SENP7: variants seen among roughly 807,000 people sequenced by gnomAD.
SENP7 encodes sentrin-specific protease 7.
SENP7 carries 64 observed loss-of-function variants against 141.2 expected under a neutral mutation model. That is an observed-to-expected ratio of 0.45 (90% CI 0.37 to 0.56). SENP7 has a LOEUF of 0.56. Ranked by LOEUF, SENP7 falls within the 20% of genes least tolerant of loss-of-function variation. The probability of loss-of-function intolerance (pLI) is 0.00; values close to 1 mark genes in which losing one functional copy is unlikely to be tolerated. For missense variants in SENP7, 1,025 were observed against 1,212.2 expected (o/e 0.85, Z 2.29); for synonymous variants, 382 against 426.4 (o/e 0.90, Z 1.28).
chr3:101,415,602 T>G (rs2061593504), intron 5 of SENP7, among the ~76,000 whole-genome samples: 1 of 152,168 alleles, frequency 6.6e-6, no homozygotes, highest in Non-Finnish European at 1.5e-5. Context: ...ATTACATACT[T>G]AGCCCCCTGA....
chr3:101,360,419 T>G (rs1034669526), intron 11 of SENP7, among the ~76,000 whole-genome samples: 1 of 152,242 alleles, frequency 6.6e-6, no homozygotes, highest in Non-Finnish European at 1.5e-5. Flanking sequence ...TATTTCTGTT[T>G]TATATTTTAC....
At chr3:101,421,390 A>T (rs1341092622) in intron 4 of SENP7, among the ~76,000 whole-genome samples, 3 of 152,232 alleles carry the variant, frequency 2.0e-5, no homozygotes, top group Admixed American at 6.5e-5. Flanking sequence ...AAATGCAAAC[A>T]AAACTTTAAG....
intron 1 of SENP7, among the ~76,000 whole-genome samples, chr3:101,511,335 T>C (rs2065848312): frequency 6.6e-6 from 1 of 152,212 alleles, no homozygotes; most frequent in African/African-American, 2.4e-5. Context: ...GGCAAATATC[T>C]TACCTTCCCT....
intron 1 of SENP7, among the ~76,000 whole-genome samples, chr3:101,510,199 T>C (rs932249872): frequency 6.6e-6 from 1 of 152,232 alleles, no homozygotes; most frequent in Non-Finnish European, 1.5e-5. Flanking sequence ...TCATTCAACT[T>C]CAGTGAACCT....
intron 6 of SENP7, among the ~76,000 whole-genome samples, chr3:101,380,459 A>G (rs1174248875): frequency 1.4e-5 from 2 of 144,616 alleles, no homozygotes; most frequent in Admixed American, 1.4e-4. Flanking sequence ...ACACACACAC[A>G]AAACAAAACA....
intron 5 of SENP7, chr3:101,414,740 A>G: frequency 1.5e-6 from 1 of 670,920 alleles, no homozygotes; most frequent in Admixed American, 2.9e-5. Context: ...GAAATTAAGG[A>G]TGGCCACAAG....
At chr3:101,365,020 G>GTTTATTTATTTA in intron 9 of SENP7, 29 bp from the exon 10 acceptor site, 2 of 1,308,878 alleles carry the variant, frequency 1.5e-6, no homozygotes, top group Non-Finnish European at 2.0e-6. Context: ...ATGTATTTTT[G>GTTTATTTATTTA]TTTATTTATT....
intron 5 of SENP7, chr3:101,414,663 G>C (rs1228194643): frequency 3.1e-6 from 4 of 1,288,306 alleles, no homozygotes; most frequent in African/African-American, 1.5e-5. Flanking sequence ...TGGGGGCTGA[G>C]GGCAAGAATA....
At chr3:101,370,656 C>T (rs2060154332) in intron 7 of SENP7, among the ~76,000 whole-genome samples, 1 of 151,892 alleles carries the variant, frequency 6.6e-6, no homozygotes, top group Admixed American at 6.6e-5. Context: ...TCTACAGATG[C>T]AGAACACAAA....
chr3:101,488,905 A>C (rs2064844667), intron 3 of SENP7, among the ~76,000 whole-genome samples: 1 of 152,196 alleles, frequency 6.6e-6, no homozygotes, highest in Non-Finnish European at 1.5e-5. Flanking sequence ...AAAGGCAGCT[A>C]GAGAGAAGGG....
chr3:101,443,467 T>A (rs1472386127), intron 4 of SENP7, among the ~76,000 whole-genome samples: 10 of 151,446 alleles, frequency 6.6e-5, no homozygotes, highest in African/African-American at 2.2e-4. Context: ...TTTAAAGTAG[T>A]TTTTTCCAAT....
At chr3:101,335,876 G>T (rs1470969936) in intron 17 of SENP7, among the ~76,000 whole-genome samples, 1 of 152,080 alleles carries the variant, frequency 6.6e-6, no homozygotes, top group African/African-American at 2.4e-5. Flanking sequence ...TTTTCAAATT[G>T]CAGTTTTCTC....
intron 3 of SENP7, among the ~76,000 whole-genome samples, chr3:101,492,498 C>T (rs188718858): frequency 3.4e-4 from 52 of 152,226 alleles, no homozygotes; most frequent in African/African-American, 8.7e-4. Flanking sequence ...ATTGTATTCC[C>T]CCAAAATTCA....
chr3:101,364,876 T>C lies in SENP7; in HGVS notation c.1434A>G (p.Ser478=). The change falls in exon 10 of 24, where the codon TCA becomes TCG. Residue 478 remains serine, a synonymous_variant. Coordinates refer to ENST00000394095, the MANE Select transcript of SENP7 (RefSeq NM_020654.5). ...TAATCAATGGTAGTTCTAACAATGC[T>C]GATTCAGAAGTACTCTCATTTTCAT... ...TTNENESTSE[S]ALLELPLITC... 6.2e-7 allele frequency: 1 copy of C among 1,602,486 alleles called. No individual in the cohort carries two copies.
At chr3:101,469,287 C>T (rs1472165680) in intron 3 of SENP7, among the ~76,000 whole-genome samples, 2 of 152,032 alleles carry the variant, frequency 1.3e-5, no homozygotes, top group Admixed American at 1.3e-4. Context: ...GACTTACACC[C>T]CCACACAACA....
Position 101,412,689 on chromosome 3 carries a change from G to A in SENP7, c.482+4904C>T, listed in dbSNP as rs765423528. 7.7e-4 allele frequency among the ~76,000 whole-genome samples: 117 copies of A among 152,150 alleles called. 1 individual carries two copies. Among genetic ancestry groups the A allele is most frequent in the Non-Finnish European group, 1.9e-4 (13 of 67,924 alleles). Reference sequence around the variant, plus strand: ...TCTCTAACGATCTCTGGTACAAACTGATGAAAGCAGAAGAAAGATAGTTTA... The same window carrying A: ...TCTCTAACGATCTCTGGTACAAACTAATGAAAGCAGAAGAAAGATAGTTTA... On this transcript the variant is annotated intron_variant, in intron 5 of 23. Transcript: ENST00000394095.
At chr3:101,414,193 G>GGCGC (rs1462282945) in intron 5 of SENP7, 5 of 583,964 alleles carry the variant, frequency 8.6e-6, no homozygotes, top group Admixed American at 6.1e-5. Context: ...ATATATGGCC[G>GGCGC]CACAGCATGG....
chr3:101,423,704 A>G (rs1194243516), intron 4 of SENP7, among the ~76,000 whole-genome samples: 1 of 152,190 alleles, frequency 6.6e-6, no homozygotes, highest in African/African-American at 2.4e-5. Flanking sequence ...GGGAAGACAC[A>G]GAAGCTAGGC....
At chr3:101,368,262 C>A (rs1411523720) in intron 7 of SENP7, among the ~76,000 whole-genome samples, 2 of 151,810 alleles carry the variant, frequency 1.3e-5, no homozygotes, top group African/African-American at 4.8e-5. Flanking sequence ...GAAGAAATAT[C>A]CTTTTTCATA....
Sources: gnomAD v4.1 joint callset for allele counts (sites outside exome capture counted in the v4.1 genomes callset) on GRCh38, gnomAD v4.1.1 for gene constraint, MANE v1.5 for transcripts, NCBI Gene and HGNC (gene_info 2026-07-23, HGNC 2026-07-21) for gene names.